The following PCNT variants were observed in gnomAD, a reference collection of about 807,000 sequenced individuals.
PCNT encodes pericentrin.
Under a neutral mutation model 380.4 loss-of-function variants are expected in PCNT, and 319 were observed. The ratio of observed to expected loss-of-function variants is 0.84; its 90% CI spans 0.77 to 0.92. The LOEUF (loss-of-function observed/expected upper bound fraction) is 0.92, where lower values mean the gene tolerates loss of function less well. PCNT is among the 40% of genes least tolerant of loss of function. PCNT has a pLI of 0.00. For missense variants in PCNT, 4,400 were observed against 4,255.3 expected, an observed-to-expected ratio of 1.03 and a Z score of -0.95; for synonymous variants, 1,845 against 1,735.2, an observed-to-expected ratio of 1.06 and a Z score of -1.57.
rs772027410 is a variant in PCNT at position 46,428,387 on chromosome 21, G to A, written c.7495-8G>A. 8.7e-6 allele frequency: 14 copies of A among 1,611,214 alleles called. No individual in the cohort carries two copies. In the East Asian group the frequency reaches 1.6e-4, roughly 18 times the overall value. The stretch of plus-strand genomic sequence containing the variant: ...ATGCTCAGGCTGCTTGTCCCATTGT[G>A]CCCCCAGGGAGACCTGCAGGAAAAG... On this transcript the variant is annotated splice_polypyrimidine_tract_variant and splice_region_variant and intron_variant, in intron 34 of 46. Transcript: ENST00000359568.
At chr21:46,405,266 A>C (rs1390367592) in intron 27 of PCNT, among the ~76,000 whole-genome samples, 1 of 152,272 alleles carries the variant, frequency 6.6e-6, no homozygotes, top group African/African-American at 2.4e-5. Context: ...CCATAGAAGT[A>C]AGGAGAAGTT....
At chr21:46,373,818 C>T (rs1468011137) in intron 15 of PCNT, among the ~76,000 whole-genome samples, 13 of 150,978 alleles carry the variant, frequency 8.6e-5, no homozygotes, top group Non-Finnish European at 1.6e-4. Flanking sequence ...CAACCTCCGC[C>T]CCCCGGGTTC....
chr21:46,435,856 T>C (rs567959423), intron 38 of PCNT, 48 bp from the exon 39 acceptor site: 7 of 1,612,902 alleles, frequency 4.3e-6, no homozygotes, highest in Middle Eastern at 1.6e-4. Context: ...GTTTTGTTTT[T>C]GGACACTGAC....
At chr21:46,337,608 G>A (rs1295641753) in intron 3 of PCNT, among the ~76,000 whole-genome samples, 3 of 151,876 alleles carry the variant, frequency 2.0e-5, no homozygotes, top group Non-Finnish European at 4.4e-5. Flanking sequence ...TTGAGATGGA[G>A]TTTCGCTCTT....
At chr21:46,328,368 T>A (rs2083453485) in intron 2 of PCNT, among the ~76,000 whole-genome samples, 1 of 151,978 alleles carries the variant, frequency 6.6e-6, no homozygotes, top group Admixed American at 6.6e-5. Flanking sequence ...GCTGAAGCGA[T>A]CTTCCTGCCT....
intron 1 of PCNT, chr21:46,324,943 C>T (rs2083319567): frequency 1.0e-6 from 1 of 984,812 alleles, no homozygotes; most frequent in Non-Finnish European, 1.2e-6. Context: ...CCGCCGTCTT[C>T]TTCCCGCGCC....
intron 21 of PCNT, among the ~76,000 whole-genome samples, chr21:46,393,985 T>C (rs1367484258): frequency 3.9e-5 from 6 of 152,188 alleles, no homozygotes; most frequent in Non-Finnish European, 8.8e-5. Context: ...TTTCGCAGGC[T>C]CGGGCCAACT....
chr21:46,404,830 G>A (rs1472345590), intron 27 of PCNT, among the ~76,000 whole-genome samples: 5 of 152,016 alleles, frequency 3.3e-5, no homozygotes, highest in Non-Finnish European at 4.4e-5. Flanking sequence ...CACCACTCCG[G>A]AGACTGAGGC....
chr21:46,337,436 A>G (rs888927165), intron 3 of PCNT, among the ~76,000 whole-genome samples: 3 of 152,076 alleles, frequency 2.0e-5, no homozygotes, highest in African/African-American at 7.2e-5. Context: ...CTGTTTTCCA[A>G]GGTTACTCAG....
At chr21:46,390,036 T>C (rs539306376) in intron 19 of PCNT, among the ~76,000 whole-genome samples, 6 of 152,374 alleles carry the variant, frequency 3.9e-5, no homozygotes, top group African/African-American at 1.4e-4. Flanking sequence ...GCCCAGAAAG[T>C]GTACGGGAGT....
Position 46,326,553 on chromosome 21 carries a change from C to T in PCNT, c.231C>T (p.Asp77=). Residue 77 remains aspartate (D), a synonymous_variant, in exon 2 of 47, where the codon GAC becomes GAT. Transcript: ENST00000359568. ...TTTGCAAAAGCACATCATGTGACGACACCCCTGATGGGGCAGGAGGGGCCT... is the reference window on the plus strand; with the variant it reads ...TTTGCAAAAGCACATCATGTGACGATACCCCTGATGGGGCAGGAGGGGCCT... ...GDICKSTSCD[D]TPDGAGGAFA... is the part of the protein sequence containing the mutation. 6.2e-7 allele frequency: 1 copy of T among 1,614,154 alleles called. No individual in the cohort carries two copies. The highest frequency in any genetic ancestry group is 8.5e-7 in the Non-Finnish European group (1 of 1,179,994).
intron 27 of PCNT, among the ~76,000 whole-genome samples, chr21:46,403,753 C>T (rs369155517): frequency 3.3e-4 from 39 of 118,766 alleles, no homozygotes; most frequent in East Asian, 5.5e-4. Context: ...GGTGCCCACG[C>T]GGCGCGTGCT....
At chr21:46,432,257 A>G (rs1458523538) in intron 38 of PCNT, 42 bp downstream of exon 38, 12 of 1,556,116 alleles carry the variant, frequency 7.7e-6, no homozygotes, top group Non-Finnish European at 1.0e-5. Flanking sequence ...CCTAAAAACG[A>G]TAAGCAATTG....
chr21:46,430,286 T>C, intron 36 of PCNT, 54 bp downstream of exon 36: 1 of 1,537,954 alleles, frequency 6.5e-7, no homozygotes. Context: ...CGTTGTGCCA[T>C]GTTTTCTTGG....
chr21:46,409,649 C>T (rs139440088), intron 27 of PCNT, among the ~76,000 whole-genome samples: 119 of 152,240 alleles, frequency 7.8e-4, no homozygotes, highest in Middle Eastern at 3.4e-3. Context: ...GCCCAGGCTG[C>T]GGTGCAGTGG....
chr21:46,443,941 G>C lies in PCNT; in HGVS notation c.9832G>C (p.Gly3278Arg). 1 of 1,612,194 alleles carries C rather than the reference G, an allele frequency of 6.2e-7. No homozygotes were observed. The highest frequency in any genetic ancestry group is 8.5e-7 in the Non-Finnish European group (1 of 1,179,870). The change falls in exon 45 of 47, where the codon GGG (glycine) becomes CGG (arginine). Residue 3278 changes from glycine to arginine, a missense_variant. By Grantham distance (125) the Gly-to-Arg change is moderately radical (BLOSUM62 -2). Transcript: ENST00000359568. ...GGCAGCAGCAGCCTCCCCACACAGT[G>C]GGGGAAGGTCAGTGTGATGCCTTCA... ...RLAAAASPHSGGRATPSPNSR... is the reference protein window; with the variant it reads ...RLAAAASPHSRGRATPSPNSR...
intron 21 of PCNT, among the ~76,000 whole-genome samples, chr21:46,392,005 A>T (rs2086051091): frequency 6.6e-6 from 1 of 152,232 alleles, no homozygotes; most frequent in Non-Finnish European, 1.5e-5. Flanking sequence ...CCTCGGGGTC[A>T]TCCCTTCAGA....
intron 20 of PCNT, 74 bp from the exon 21 acceptor site, chr21:46,391,090 C>G (rs1021907888): frequency 1.4e-6 from 2 of 1,406,256 alleles, no homozygotes; most frequent in Non-Finnish European, 2.0e-6. Flanking sequence ...GTGGCCCCGT[C>G]CCTTCCTCCA....
chr21:46,396,015 G>A (rs2086197679), intron 21 of PCNT, among the ~76,000 whole-genome samples: 1 of 148,760 alleles, frequency 6.7e-6, no homozygotes, highest in African/African-American at 2.5e-5. Context: ...TCAGGATTCA[G>A]CAGCAGAGAC....
Sources: allele counts gnomAD v4.1 joint callset (sites outside exome capture counted in the v4.1 genomes callset), GRCh38; gene constraint gnomAD v4.1.1; transcripts MANE v1.5; gene names NCBI Gene and HGNC (gene_info 2026-07-23, HGNC 2026-07-21).